ZNF207: variants seen among roughly 807,000 people sequenced by gnomAD.
The protein encoded by ZNF207 is zinc finger protein 207.
Under a neutral mutation model 60.2 loss-of-function variants are expected in ZNF207, and 24 were observed. That is an observed-to-expected ratio of 0.40 (90% CI 0.29 to 0.56). The LOEUF is 0.56. Ranked by LOEUF, ZNF207 falls within the 20% of genes least tolerant of loss-of-function variation. The probability of loss-of-function intolerance (pLI) is 0.49; values close to 1 mark genes in which losing one functional copy is unlikely to be tolerated. For synonymous variants in ZNF207, 236 were observed against 194.7 expected (o/e 1.21, Z -1.77); for missense variants, 452 against 636.6 (o/e 0.71, Z 3.12).
At chr17:32,369,545 A>G (rs1905370612) in intron 11 of ZNF207, 54 bp from the exon 12 acceptor site, 4 of 1,586,112 alleles carry the variant, frequency 2.5e-6, no homozygotes, top group Non-Finnish European at 3.4e-6. Flanking sequence ...GTTGCACTTA[A>G]AAGTACAATG....
chr17:32,362,827 G>A, intron 6 of ZNF207, 87 bp from the exon 7 acceptor site: 1 of 1,098,692 alleles, frequency 9.1e-7, no homozygotes, highest in Non-Finnish European at 1.4e-6. Flanking sequence ...CTTCTATCTA[G>A]TGTTGTTTCA....
intron 7 of ZNF207, among the ~76,000 whole-genome samples, chr17:32,364,313 G>C (rs139026404): frequency 6.6e-6 from 1 of 151,914 alleles, no homozygotes; most frequent in Admixed American, 6.6e-5. Flanking sequence ...AAAGGGATTT[G>C]GTTGGCCAGC....
At position 32,371,289 on chromosome 17, in the gene ZNF207, A is replaced by C. The variant is rs1003567013; in HGVS notation, c.*1530A>C. On this transcript the variant is annotated 3_prime_UTR_variant, in exon 12 of 12. Coordinates refer to ENST00000394670, the MANE Select transcript of ZNF207 (RefSeq NM_001098507.2). The stretch of plus-strand genomic sequence containing the variant: ...TTATAACTTTCCTGTGAAGGTATAG[A>C]TAAAACACATGAAGTCTGAAGTTGT... The C allele has an allele frequency of 6.6e-6, 1 of 152,250 alleles. No individual in the cohort carries two copies. The highest frequency in any genetic ancestry group is 2.4e-5 in the African/African-American group (1 of 41,460). 9.4% of individuals were successfully genotyped at this position (152,250 alleles called of 1,614,324 possible).
chr17:32,365,415 A>G lies in ZNF207; in HGVS notation c.756A>G (p.Pro252=). Residue 252 remains proline (P), a synonymous_variant, in exon 8 of 12, where the codon CCA becomes CCG. Transcript: ENST00000394670. ...CAGCGCCAGGTATTCTTAATAGACC[A>G]CCTGCACCAACAGCAACTGTACCTG... ...AVSAPGILNR[P]PAPTATVPAP... 6.2e-7 allele frequency: 1 copy of G among 1,614,134 alleles called. No individual in the cohort carries two copies. Among genetic ancestry groups the G allele is most frequent in the Non-Finnish European group, 8.5e-7 (1 of 1,180,020 alleles).
chr17:32,368,172 A>C (rs1005257587), intron 10 of ZNF207, 158 bp downstream of exon 10: 4 of 1,058,032 alleles, frequency 3.8e-6, no homozygotes, highest in Non-Finnish European at 5.3e-6. Context: ...AGAAATCATA[A>C]AATACTTAAA....
At position 32,369,327 on chromosome 17, in the gene ZNF207, A is replaced by G. The variant is rs75314702; in HGVS notation, c.1197A>G (p.Gln399=). ...GAAGGGCACAGTTACCTAAGTATCA[A>G]CGTAATCTTCCTCGGCCAGGACAGG... ...EERRAQLPKY[Q]RNLPRPGQAP... The change falls in exon 11 of 12, where the codon CAA becomes CAG. Residue 399 remains glutamine (Q), a synonymous_variant. Transcript: ENST00000394670. 5.6e-6 allele frequency: 9 copies of G among 1,614,018 alleles called. No individual in the cohort carries two copies. In the East Asian group the frequency reaches 1.1e-4, roughly 20 times the overall value.
Position 32,365,738 on chromosome 17 carries a change from GTTTTTTTTT to G in ZNF207, c.828+262_828+270del, listed in dbSNP as rs60104494. 11 of 133,744 alleles carry G rather than the reference GTTTTTTTTT, an allele frequency of 8.2e-5. No individual in the cohort carries two copies. In the Admixed American group the frequency reaches 8.6e-4, roughly 10 times the overall value. 8.3% of individuals were successfully genotyped at this position (133,744 alleles called of 1,614,324 possible). On this transcript the variant is annotated intron_variant, in intron 8 of 11. Coordinates refer to ENST00000394670, the MANE Select transcript of ZNF207 (RefSeq NM_001098507.2). The stretch of plus-strand genomic sequence containing the variant: ...TAGCTGTGAACCCTATTTATTCTTA[GTTTTTTTTT>G]TTTTTTTTTTAAGCTAATGAAAGTT...
At chr17:32,351,395 C>G in intron 1 of ZNF207, 1 of 1,185,746 alleles carries the variant, frequency 8.4e-7, no homozygotes, top group Non-Finnish European at 1.1e-6. Context: ...CTATCGTCTT[C>G]ATATCTAGTG....
In ZNF207 at chr17:32,370,647, T is replaced by G. The variant is rs954898135; in HGVS notation, c.*888T>G. The G allele has an allele frequency of 2.0e-5, 3 of 152,220 alleles. No individual in the cohort carries two copies. Among genetic ancestry groups the G allele is most frequent in the African/African-American group, 7.2e-5 (3 of 41,460 alleles). 9.4% of individuals were successfully genotyped at this position (152,220 alleles called of 1,614,324 possible). ...CTATGGTGTCAGTACACATCACGTG[T>G]CATAGATACTTAAAATGTAAATGTT... On this transcript the variant is annotated 3_prime_UTR_variant, in exon 12 of 12. Transcript: ENST00000394670.
At chr17:32,360,805 C>G (rs1316700967) in intron 4 of ZNF207, 40 bp downstream of exon 4, 1 of 1,611,880 alleles carries the variant, frequency 6.2e-7, no homozygotes, top group Admixed American at 1.7e-5. Context: ...ATTTTTAGGA[C>G]ATTATTGATA....
In ZNF207 at chr17:32,352,354, A is replaced by G. The variant is rs181760456; in HGVS notation, c.168+442A>G. Among the ~76,000 whole-genome samples, 445 of 152,280 alleles carry G rather than the reference A, an allele frequency of 2.9e-3. 4 individuals carry two copies. Among genetic ancestry groups the G allele is most frequent in the Non-Finnish European group, 3.6e-3 (243 of 68,010 alleles). Reference sequence around the variant, plus strand: ...CTTACTGCAAAAGATAAGATAGCCAATCAGCATTAAAAAAAACAAAAAATT... The same window carrying G: ...CTTACTGCAAAAGATAAGATAGCCAGTCAGCATTAAAAAAAACAAAAAATT... On this transcript the variant is annotated intron_variant, in intron 2 of 11. Transcript: ENST00000394670.
At position 32,380,029 on chromosome 17, in the gene ZNF207, C is replaced by G. The variant is rs910944512; in HGVS notation, c.*10270C>G. 9 of 152,330 alleles carry G rather than the reference C, an allele frequency of 5.9e-5. No individual in the cohort carries two copies. Among genetic ancestry groups the G allele is most frequent in the African/African-American group, 1.9e-4 (8 of 41,420 alleles). 9.4% of individuals were successfully genotyped at this position (152,330 alleles called of 1,614,324 possible). A position where few individuals can be genotyped will look rare whatever the true frequency, so the allele number is the denominator to read the frequency against. ...TTTTAGTATGAACAATGATAGTTTTCTAAAATCTGAAAATCAATACCTGAG... is the reference window on the plus strand; with the variant it reads ...TTTTAGTATGAACAATGATAGTTTTGTAAAATCTGAAAATCAATACCTGAG... On this transcript the variant is annotated 3_prime_UTR_variant, in exon 12 of 12. Coordinates refer to ENST00000394670, the MANE Select transcript of ZNF207 (RefSeq NM_001098507.2).
At chr17:32,363,130 T>A (rs1027795589) in intron 7 of ZNF207, 146 bp downstream of exon 7, 7 of 590,304 alleles carry the variant, frequency 1.2e-5, no homozygotes, top group African/African-American at 7.7e-5. Context: ...GACCCTTTTT[T>A]AAAAAATGTA....
Position 32,351,914 on chromosome 17 carries a change from T to C in ZNF207, c.168+2T>C. On this transcript the variant is annotated splice_donor_variant, in intron 2 of 11. Transcript: ENST00000394670. LOFTEE classifies it high-confidence loss of function. ...GGCTTAGCTATTCATTGCATGCAGG[T>C]AAGGATTTTTCTTCTGTATTTATTG... The C allele has an allele frequency of 6.5e-7, 1 of 1,542,386 alleles. No homozygotes were observed. Among genetic ancestry groups the C allele is most frequent in the Non-Finnish European group, 8.8e-7 (1 of 1,142,698 alleles).
At chr17:32,361,644 C>A in intron 6 of ZNF207, 129 bp downstream of exon 6, 1 of 723,010 alleles carries the variant, frequency 1.4e-6, no homozygotes, top group Non-Finnish European at 2.1e-6. Context: ...AACTTGCAAG[C>A]TAATTAACAC....
chr17:32,378,251 T>G lies in ZNF207; in HGVS notation c.*8492T>G, dbSNP rs1905748020. ...CATAAAAGGAAAAGACAGTTTCAGT[T>G]GGCTATGCCCTTGTTGATAGATGAT... On this transcript the variant is annotated 3_prime_UTR_variant, in exon 12 of 12. Transcript: ENST00000394670. The G allele has an allele frequency of 6.6e-6, 1 of 152,054 alleles. No homozygotes were observed. Among genetic ancestry groups the G allele is most frequent in the South Asian group, 2.1e-4 (1 of 4,830 alleles). The allele number at this position is 152,054 out of a possible 1,614,324, so 9.4% of individuals were successfully genotyped here. A position where few individuals can be genotyped will look rare whatever the true frequency, so the allele number is the denominator to read the frequency against.
intron 9 of ZNF207, among the ~76,000 whole-genome samples, chr17:32,367,169 TTTA>T (rs1230988534): frequency 2.0e-5 from 3 of 146,696 alleles, no homozygotes. Context: ...AACTTGCTAC[TTTA>T]AAAGATCCTG....
At chr17:32,365,988 T>C (rs1225779947) in intron 8 of ZNF207, among the ~76,000 whole-genome samples, 2 of 152,214 alleles carry the variant, frequency 1.3e-5, no homozygotes, top group African/African-American at 4.8e-5. Context: ...ACTGGTCTTT[T>C]TTCAAAGCTT....
At chr17:32,362,795 G>A (rs9896320) in intron 6 of ZNF207, 119 bp from the exon 7 acceptor site, 373,660 of 659,784 alleles carry the variant, frequency 0.57, 111,038 homozygotes, top group African/African-American at 0.61. Context: ...ATTCATTTCA[G>A]TATTAGAGGT....
Sources: gnomAD v4.1 joint callset for allele counts (sites outside exome capture counted in the v4.1 genomes callset) on GRCh38, gnomAD v4.1.1 for gene constraint, MANE v1.5 for transcripts, NCBI Gene and HGNC (gene_info 2026-07-23, HGNC 2026-07-21) for gene names.